Variants in CADPS2 observed in about 807,000 individuals in gnomAD.
CADPS2 encodes calcium-dependent secretion activator 2.
A neutral mutation model predicts 172.5 loss-of-function variants in CADPS2; 93 were observed. The ratio of observed to expected loss-of-function variants is 0.54; its 90% CI spans 0.46 to 0.64. The LOEUF is 0.64. Among genes scored for constraint, CADPS2 ranks in the 30% least tolerant of loss-of-function variants. The probability of loss-of-function intolerance (pLI) is 0.00; values close to 1 mark genes in which losing one functional copy is unlikely to be tolerated. For synonymous variants in CADPS2, 546 were observed against 555.2 expected (o/e 0.98, Z 0.23); for missense variants, 1,420 against 1,565.9 (o/e 0.91, Z 1.57).
At chr7:122,403,853 TGTA>T (rs1267579680) in intron 20 of CADPS2, among the ~76,000 whole-genome samples, 1 of 152,198 alleles carries the variant, frequency 6.6e-6, no homozygotes, top group Non-Finnish European at 1.5e-5. Flanking sequence ...ATTAATTCAT[TGTA>T]GTAGAAGTTC....
chr7:122,498,518 T>C (rs2058941284), intron 9 of CADPS2, among the ~76,000 whole-genome samples: 2 of 152,164 alleles, frequency 1.3e-5, no homozygotes, highest in African/African-American at 2.4e-5. Context: ...TTTTAATTTC[T>C]TTATGTATAT....
Position 122,471,412 on chromosome 7 carries a change from T to A in CADPS2, c.2149A>T (p.Ser717Cys). Residue 717 changes from serine (S) to cysteine (C), a missense_variant, in exon 14 of 30, where the codon AGC becomes TGC. By Grantham distance (112) the Ser-to-Cys change is moderately radical. Coordinates refer to ENST00000449022, the MANE Select transcript of CADPS2 (RefSeq NM_017954.11). ...ACATGAGAGGCACAGAATGCAAAGCTGTAATGGAGCAGGGTAGGGTCAATG... is the reference window on the plus strand; with the variant it reads ...ACATGAGAGGCACAGAATGCAAAGCAGTAATGGAGCAGGGTAGGGTCAATG... ...AVIDPTLLHY[S>C]FAFCASHVHG... is the part of the protein sequence containing the mutation. The A allele has an allele frequency of 6.2e-7, 1 of 1,613,390 alleles. No individual in the cohort carries two copies.
At chr7:122,430,717 T>G (rs1042701430) in intron 17 of CADPS2, among the ~76,000 whole-genome samples, 1 of 152,184 alleles carries the variant, frequency 6.6e-6, no homozygotes. Flanking sequence ...TTTCTAGAAA[T>G]GTCCAGTTTT....
At chr7:122,746,504 T>C (rs1403125337) in intron 1 of CADPS2, among the ~76,000 whole-genome samples, 1 of 152,078 alleles carries the variant, frequency 6.6e-6, no homozygotes, top group Non-Finnish European at 1.5e-5. Flanking sequence ...ATCCACAGTT[T>C]TTACTCTATC....
intron 1 of CADPS2, among the ~76,000 whole-genome samples, chr7:122,829,290 T>A (rs141621849): frequency 1.1e-3 from 161 of 152,304 alleles, no homozygotes; most frequent in African/African-American, 3.4e-3. Context: ...CTACTGGCAC[T>A]AATAAATTCA....
chr7:122,616,550 A>G (rs553878286), intron 5 of CADPS2, among the ~76,000 whole-genome samples: 68 of 152,278 alleles, frequency 4.5e-4, no homozygotes, highest in Non-Finnish European at 8.8e-4. Flanking sequence ...AATAAAATAA[A>G]AGGTCAAACT....
At chr7:122,873,134 T>C (rs1443596915) in intron 1 of CADPS2, among the ~76,000 whole-genome samples, 1 of 152,088 alleles carries the variant, frequency 6.6e-6, no homozygotes, top group East Asian at 1.9e-4. Flanking sequence ...CATTTCGTTT[T>C]CCAGATATAT....
intron 1 of CADPS2, among the ~76,000 whole-genome samples, chr7:122,840,832 G>A (rs939902204): frequency 1.3e-5 from 2 of 151,952 alleles, no homozygotes; most frequent in African/African-American, 4.8e-5. Flanking sequence ...ATATTTTGCA[G>A]AAATAATAAA....
At chr7:122,621,439 C>A in intron 5 of CADPS2, 42 bp downstream of exon 5, 1 of 1,261,082 alleles carries the variant, frequency 7.9e-7, no homozygotes. Context: ...TGTGCATCAT[C>A]ATTTATGCTG....
At chr7:122,456,505 A>G (rs1257010218) in intron 14 of CADPS2, among the ~76,000 whole-genome samples, 2 of 152,200 alleles carry the variant, frequency 1.3e-5, no homozygotes, top group African/African-American at 2.4e-5. Flanking sequence ...AAATTATAAA[A>G]CAGATTAAAA....
chr7:122,880,415 C>A (rs1055449840), intron 1 of CADPS2, among the ~76,000 whole-genome samples: 1 of 152,160 alleles, frequency 6.6e-6, no homozygotes, highest in African/African-American at 2.4e-5. Context: ...ACTGCACAAA[C>A]TCTAGAATAT....
In CADPS2 at chr7:122,810,523, ACCTTAAGT is replaced by A. The variant is rs895240736; in HGVS notation, c.340-73463_340-73456del. 2.6e-5 allele frequency among the ~76,000 whole-genome samples: 4 copies of A among 152,348 alleles called. 1 individual carries two copies. The highest frequency in any genetic ancestry group is 2.9e-5 in the Non-Finnish European group (2 of 68,032). On this transcript the variant is annotated intron_variant, in intron 1 of 29. Coordinates refer to ENST00000449022, the MANE Select transcript of CADPS2 (RefSeq NM_017954.11). ...CTCAAACTTTAAAGTAAAAAGAATC[ACCTTAAGT>A]CCTTAAGTCCTATTTAAAACGTAGA...
intron 14 of CADPS2, among the ~76,000 whole-genome samples, chr7:122,470,414 G>T (rs2055763890): frequency 6.6e-6 from 1 of 152,018 alleles, no homozygotes; most frequent in Non-Finnish European, 1.5e-5. Context: ...AAATAATGAA[G>T]TCATTCATTC....
chr7:122,669,078 C>T (rs1407057659), intron 2 of CADPS2, among the ~76,000 whole-genome samples: 1 of 152,120 alleles, frequency 6.6e-6, no homozygotes, highest in African/African-American at 2.4e-5. Context: ...CGCCTGTAAT[C>T]CCAGCACTTT....
intron 2 of CADPS2, chr7:122,702,935 A>T: frequency 1.9e-6 from 1 of 534,218 alleles, no homozygotes; most frequent in Non-Finnish European, 3.3e-6. Context: ...CTTTCTCATA[A>T]TGAAACAAAA....
chr7:122,871,693 T>C (rs1819796364), intron 1 of CADPS2, among the ~76,000 whole-genome samples: 1 of 152,148 alleles, frequency 6.6e-6, no homozygotes, highest in Non-Finnish European at 1.5e-5. Context: ...GTAATCTCCA[T>C]ATTGCAAAAT....
chr7:122,728,363 G>A (rs2091309955), intron 2 of CADPS2, among the ~76,000 whole-genome samples: 1 of 151,874 alleles, frequency 6.6e-6, no homozygotes, highest in South Asian at 2.1e-4. Context: ...AATATGAAGA[G>A]TTGAGGTATA....
chr7:122,752,332 A>C (rs1046282061), intron 1 of CADPS2, among the ~76,000 whole-genome samples: 43 of 152,218 alleles, frequency 2.8e-4, no homozygotes, highest in African/African-American at 1.0e-3. Context: ...AAGAACAGAT[A>C]AACAAAACAT....
Position 122,750,488 on chromosome 7 carries a change from A to T in CADPS2, c.340-13420T>A, listed in dbSNP as rs532737511. Reference sequence around the variant, plus strand: ...TTGTTCTTTGGATTGTCCTGTTTCTATGCCCAGTTATAATGCCTTTGTCTC... The same window carrying T: ...TTGTTCTTTGGATTGTCCTGTTTCTTTGCCCAGTTATAATGCCTTTGTCTC... On this transcript the variant is annotated intron_variant, in intron 1 of 29. Coordinates refer to ENST00000449022, the MANE Select transcript of CADPS2 (RefSeq NM_017954.11). 6.0e-4 allele frequency among the ~76,000 whole-genome samples: 92 copies of T among 152,086 alleles called. 1 individual carries two copies. Among genetic ancestry groups the T allele is most frequent in the Admixed American group, 5.2e-3 (80 of 15,248 alleles).
Sources: gnomAD v4.1 joint callset for allele counts (sites outside exome capture counted in the v4.1 genomes callset) on GRCh38, gnomAD v4.1.1 for gene constraint, MANE v1.5 for transcripts, NCBI Gene and HGNC (gene_info 2026-07-23, HGNC 2026-07-21) for gene names.